The following ZNF18 variants were observed in gnomAD, a reference collection of about 807,000 sequenced individuals.
The protein encoded by ZNF18 is heart development-specific gene 1 protein.
In ZNF18, 42 loss-of-function variants were observed where a neutral mutation model predicts 58.1. That is an observed-to-expected ratio of 0.72 (90% CI 0.56 to 0.93). ZNF18 has a LOEUF of 0.93. Among genes scored for constraint, ZNF18 ranks in the 40% least tolerant of loss-of-function variants. The probability of loss-of-function intolerance (pLI) is 0.00; values close to 1 mark genes in which losing one functional copy is unlikely to be tolerated. For missense variants in ZNF18, 540 were observed against 644.2 expected, an observed-to-expected ratio of 0.84 and a Z score of 1.75; for synonymous variants, 231 against 239.8, an observed-to-expected ratio of 0.96 and a Z score of 0.34.
At chr17:12,009,441 CT>C in the ZNF18 span, among the ~76,000 whole-genome samples, 1,963 of 138,240 alleles carry the variant, frequency 0.014, 10 homozygotes, top group African/African-American at 0.02. Context: ...CATTCCCGAG[CT>C]TTTTTTTTTT....
the ZNF18 span, among the ~76,000 whole-genome samples, chr17:12,013,012 C>T: frequency 6.6e-6 from 1 of 151,030 alleles, no homozygotes; most frequent in Non-Finnish European, 1.5e-5. Flanking sequence ...AGTGCAGTGG[C>T]GCGATCTCGG....
chr17:12,010,583 T>C, the ZNF18 span, among the ~76,000 whole-genome samples: 1 of 151,436 alleles, frequency 6.6e-6, no homozygotes, highest in Non-Finnish European at 1.5e-5. Flanking sequence ...GCCCAGCTAA[T>C]TTTTTTGTAT....
the ZNF18 span, among the ~76,000 whole-genome samples, chr17:12,002,566 A>G: frequency 6.6e-6 from 1 of 152,102 alleles, no homozygotes; most frequent in Non-Finnish European, 1.5e-5. Context: ...AGCTGCAGAC[A>G]TTGTTACTGA....
At chr17:11,986,922 G>T (rs930613121) in intron 4 of ZNF18, among the ~76,000 whole-genome samples, 8 of 152,242 alleles carry the variant, frequency 5.3e-5, no homozygotes, top group Admixed American at 5.2e-4. Context: ...CAGAAAAGTT[G>T]CTTCAGGAGC....
In ZNF18 at chr17:11,992,507, C is replaced by T. The variant is rs766086638; in HGVS notation, c.323G>A (p.Ser108Asn). ...CACAAGGGTCACTGCCTCTTCTCCACTTCCTGGACACTGTTTCCGCACCCA... is the reference window on the plus strand; with the variant it reads ...CACAAGGGTCACTGCCTCTTCTCCATTTCCTGGACACTGTTTCCGCACCCA... ...QMWVRKQCPG[S>N]GEEAVTLVES... The change falls in exon 2 of 7, where the codon AGT (serine) becomes AAT (asparagine). Residue 108 changes from serine to asparagine, a missense_variant. Physicochemically the swap from Ser to Asn is conservative, Grantham distance 46. Coordinates refer to ENST00000580306, the MANE Select transcript of ZNF18 (RefSeq NM_001303281.2). 2 of 1,614,230 alleles carry T rather than the reference C, an allele frequency of 1.2e-6. No homozygotes were observed. Among genetic ancestry groups the T allele is most frequent in the South Asian group, 2.2e-5 (2 of 91,088 alleles).
At chr17:11,997,773 A>C (rs922101150), upstream of ZNF18, among the ~76,000 whole-genome samples, 11 of 152,294 alleles carry the variant, frequency 7.2e-5, no homozygotes, top group African/African-American at 2.6e-4. Flanking sequence ...CGAGGCCTTC[A>C]AAGATCATTT....
intron 1 of ZNF18, among the ~76,000 whole-genome samples, chr17:11,994,013 ACTT>A (rs1968311660): frequency 6.6e-6 from 1 of 152,158 alleles, no homozygotes; most frequent in African/African-American, 2.4e-5. Context: ...ATCATCCACT[ACTT>A]CTAGTTAACT....
Position 11,978,155 on chromosome 17 carries a change from T to C in ZNF18, c.1452A>G (p.Lys484=), listed in dbSNP as rs758615355. 4.3e-6 allele frequency: 7 copies of C among 1,613,900 alleles called. No individual in the cohort carries two copies. The African/African-American group carries it at 5.3e-5, about 12-fold the overall frequency. The change falls in exon 7 of 7, where the codon AAA becomes AAG. Residue 484 remains lysine (K), a synonymous_variant. Transcript: ENST00000580306. ...SDFSGLRHHE[K]IHTGEKPYKC... ...TATAGGGTTTCTCTCCTGTGTGGAT[T>C]TTCTCGTGGTGGCGCAATCCTGAGA...
At chr17:12,004,124 G>C in the ZNF18 span, among the ~76,000 whole-genome samples, 2 of 152,040 alleles carry the variant, frequency 1.3e-5, no homozygotes, top group Non-Finnish European at 2.9e-5. Context: ...CCAGCTACTC[G>C]GGAGGCTGAG....
At chr17:12,016,841 T>C in the ZNF18 span, among the ~76,000 whole-genome samples, 2 of 152,210 alleles carry the variant, frequency 1.3e-5, no homozygotes, top group Non-Finnish European at 2.9e-5. Flanking sequence ...CTCTTATAAA[T>C]AATGTTGTCA....
chr17:11,978,958 C>A (rs1371151988), intron 6 of ZNF18, among the ~76,000 whole-genome samples: 1 of 143,938 alleles, frequency 6.9e-6, no homozygotes, highest in African/African-American at 2.6e-5. Flanking sequence ...AATGGTTCAG[C>A]TCTGGAGCTG....
upstream of ZNF18, among the ~76,000 whole-genome samples, chr17:11,997,953 T>G (rs1019091589): frequency 1.3e-5 from 2 of 152,116 alleles, no homozygotes; most frequent in Non-Finnish European, 2.9e-5. Flanking sequence ...GTTCTCCCAC[T>G]CTCATCAGCT....
At chr17:12,021,228 T>G in the ZNF18 span, 1 of 301,696 alleles carries the variant, frequency 3.3e-6, no homozygotes, top group Admixed American at 5.1e-5. Context: ...TGCCTGCGCT[T>G]GGCCCCTGGG....
At chr17:11,983,610 AAAG>A (rs776844907) in intron 5 of ZNF18, among the ~76,000 whole-genome samples, 147 of 152,324 alleles carry the variant, frequency 9.7e-4, no homozygotes, top group Non-Finnish European at 1.7e-3. Context: ...AAGGCCATGA[AAAG>A]AAGAGTCTAG....
rs1967082226 is a variant in ZNF18 at position 11,977,755 on chromosome 17, G to C, written c.*202C>G. 2 of 549,934 alleles carry C rather than the reference G, an allele frequency of 3.6e-6. No homozygotes were observed. Among genetic ancestry groups the C allele is most frequent in the African/African-American group, 3.8e-5 (2 of 52,730 alleles). The allele number at this position is 549,934 out of a possible 1,614,324, so 34.1% of individuals were successfully genotyped here. A position where few individuals can be genotyped will look rare whatever the true frequency, so the allele number is the denominator to read the frequency against. ...GAAGACTATTCTTTCTCCTGAGGCA[G>C]AATCAAGAATTTAAGCCATTGTGCA... On this transcript the variant is annotated 3_prime_UTR_variant, in exon 7 of 7. Coordinates refer to ENST00000580306, the MANE Select transcript of ZNF18 (RefSeq NM_001303281.2).
In ZNF18 at chr17:11,991,011, G is replaced by A; in HGVS notation, c.540C>T (p.His180=). 6.2e-7 allele frequency: 1 copy of A among 1,614,116 alleles called. No individual in the cohort carries two copies. The highest frequency in any genetic ancestry group is 8.5e-7 in the Non-Finnish European group (1 of 1,180,018). ...SSSGPGELLS[H]IVKEESDTEA... is the part of the protein sequence containing the mutation. The stretch of plus-strand genomic sequence containing the variant: ...CTGTGTCAGATTCCTCTTTCACGAT[G>A]TGGCTCAGAAGCTCCCCAGGCCCTG... Residue 180 remains histidine (H), a synonymous_variant, in exon 3 of 7, where the codon CAC becomes CAT. Coordinates refer to ENST00000580306, the MANE Select transcript of ZNF18 (RefSeq NM_001303281.2).
At chr17:12,010,052 T>C in the ZNF18 span, among the ~76,000 whole-genome samples, 1 of 152,144 alleles carries the variant, frequency 6.6e-6, no homozygotes, top group South Asian at 2.1e-4. Context: ...GTGAAAGCTT[T>C]ATTGTGGTGC....
At chr17:11,987,281 G>A (rs939484983) in intron 4 of ZNF18, among the ~76,000 whole-genome samples, 9 of 152,196 alleles carry the variant, frequency 5.9e-5, no homozygotes, top group Admixed American at 2.0e-4. Flanking sequence ...GGTTCCAACC[G>A]AGTCATGGTT....
At chr17:11,996,687 A>G (rs1197543477) in intron 1 of ZNF18, 4 of 152,202 alleles carry the variant, frequency 2.6e-5, no homozygotes, top group Non-Finnish European at 4.4e-5. Context: ...AGTGCATTCT[A>G]GGTGTAATAT....
Sources: gnomAD v4.1 joint callset for allele counts (sites outside exome capture counted in the v4.1 genomes callset) on GRCh38, gnomAD v4.1.1 for gene constraint, MANE v1.5 for transcripts, NCBI Gene and HGNC (gene_info 2026-07-23, HGNC 2026-07-21) for gene names.